Variants in ELOVL6 observed in about 807,000 individuals in gnomAD.
ELOVL6 encodes the protein ELOVL fatty acid elongase 6.
In ELOVL6, 8 loss-of-function variants were observed where a neutral mutation model predicts 31.7. The ratio of observed to expected loss-of-function variants is 0.25; its 90% CI spans 0.15 to 0.45. The LOEUF (loss-of-function observed/expected upper bound fraction) is 0.45, where lower values mean the gene tolerates loss of function less well. ELOVL6 is among the 20% of genes least tolerant of loss of function. The pLI is 1.00. For synonymous variants in ELOVL6, 101 were observed against 117.7 expected, an observed-to-expected ratio of 0.86 and a Z score of 0.92; for missense variants, 126 against 326.4, an observed-to-expected ratio of 0.39 and a Z score of 4.73.
At chr4:110,077,692 C>A (rs766313070) in intron 2 of ELOVL6, among the ~76,000 whole-genome samples, 24 of 152,120 alleles carry the variant, frequency 1.6e-4, no homozygotes, top group Non-Finnish European at 2.6e-4. Flanking sequence ...CTCTCCTCCC[C>A]CAAAGGAACG....
chr4:110,084,155 A>AACATATATATGATATATATGATATAT (rs1756055433), intron 2 of ELOVL6, among the ~76,000 whole-genome samples: 2 of 96,342 alleles, frequency 2.1e-5, no homozygotes, highest in African/African-American at 8.7e-5. Context: ...TGATATATAT[A>AACATATATATGATATATATGATATAT]ACATATATGT....
In ELOVL6 at chr4:110,065,877, A is replaced by C. The variant is rs578257105; in HGVS notation, c.222-6123T>G. Among the ~76,000 whole-genome samples, 10 of 152,298 alleles carry C rather than the reference A, an allele frequency of 6.6e-5. No individual in the cohort carries two copies. The East Asian group carries it at 1.4e-3, about 21-fold the overall frequency. ...AACATCAATAGTTGATTTAAAAAAA[A>C]ATTTTTACATTGTTCCCTTATTGAT... is the stretch of plus-strand genomic sequence containing the variant. On this transcript the variant is annotated intron_variant, in intron 2 of 3. Transcript: ENST00000302274.
At chr4:110,192,366 A>C (rs62327364) in intron 1 of ELOVL6, among the ~76,000 whole-genome samples, 7,118 of 152,246 alleles carry the variant, frequency 0.047, 237 homozygotes, top group East Asian at 0.11. Context: ...ATTTAAAGCA[A>C]TCCTCACTAA....
At chr4:110,064,337 C>T (rs1033589772) in intron 2 of ELOVL6, among the ~76,000 whole-genome samples, 7 of 145,912 alleles carry the variant, frequency 4.8e-5, no homozygotes, top group African/African-American at 1.9e-4. Flanking sequence ...TTCCTGATCA[C>T]TAGCTATTTG....
chr4:110,084,566 A>ATATATT (rs1756173678), intron 2 of ELOVL6, among the ~76,000 whole-genome samples: 12 of 37,100 alleles, frequency 3.2e-4, no homozygotes, highest in African/African-American at 2.1e-3. Flanking sequence ...ACACACAGAT[A>ATATATT]TATATATATA....
In ELOVL6 at chr4:110,051,604, A is replaced by G. The variant is rs1754838295; in HGVS notation, c.532T>C (p.Tyr178His). The G allele has an allele frequency of 6.2e-7, 1 of 1,614,220 alleles. No individual in the cohort carries two copies. The highest frequency in any genetic ancestry group is 8.5e-7 in the Non-Finnish European group (1 of 1,180,036). ...GCCGCCCGCAAGGCATAGTAAGAGT[A>G]CATCACGGCGTGCACGCCATAGTTC... is the stretch of plus-strand genomic sequence containing the variant. The part of the protein sequence containing the change: ...TMNYGVHAVM[Y>H]SYYALRAAGF... Residue 178 changes from tyrosine (Y) to histidine (H), a missense_variant, in exon 4 of 4, where the codon TAC becomes CAC. Transcript: ENST00000302274. This position sits in a 1 kb window ranked among gnomAD's most constrained non-coding sequence, Gnocchi z 4.8.
intron 1 of ELOVL6, among the ~76,000 whole-genome samples, chr4:110,178,394 T>G (rs938872930): frequency 1.3e-5 from 2 of 151,830 alleles, no homozygotes; most frequent in Non-Finnish European, 2.9e-5. Flanking sequence ...AAAAAAAAAT[T>G]AGCCGAGTGT....
At chr4:110,084,403 TATATGAC>T (rs1182288873) in intron 2 of ELOVL6, among the ~76,000 whole-genome samples, 1 of 20,112 alleles carries the variant, frequency 5.0e-5, no homozygotes, top group Non-Finnish European at 1.3e-4. Context: ...TGATATATGA[TATATGAC>T]ATACATGATA....
At position 110,047,908 on chromosome 4, in the gene ELOVL6, A is replaced by AG. The variant is rs1472764098; in HGVS notation, c.*3429_*3430insC. 1 of 151,536 alleles carries AG rather than the reference A, an allele frequency of 6.6e-6. No homozygotes were observed. Among genetic ancestry groups the AG allele is most frequent in the African/African-American group, 2.4e-5 (1 of 41,210 alleles). 9.4% of individuals were successfully genotyped at this position (151,536 alleles called of 1,614,324 possible). A position where few individuals can be genotyped will look rare whatever the true frequency, so the allele number is the denominator to read the frequency against. On this transcript the variant is annotated 3_prime_UTR_variant, in exon 4 of 4. Coordinates refer to ENST00000302274, the MANE Select transcript of ELOVL6 (RefSeq NM_024090.3). ...TCCACCTCAAAAAAAAAAAAAAAAA[A>AG]AAAAAGAAAGACATTCTGTGGGTCT...
intron 2 of ELOVL6, among the ~76,000 whole-genome samples, chr4:110,086,638 T>G (rs1477277051): frequency 2.0e-5 from 3 of 152,190 alleles, no homozygotes; most frequent in African/African-American, 7.2e-5. Flanking sequence ...TGGTTAATTA[T>G]GACCATGCTT....
At chr4:110,060,320 T>G (rs573363595) in intron 2 of ELOVL6, among the ~76,000 whole-genome samples, 1 of 152,296 alleles carries the variant, frequency 6.6e-6, no homozygotes, top group East Asian at 1.9e-4. Context: ...GATGTCAGAA[T>G]GAGACTCCTT....
At chr4:110,084,220 T>TATATGATATATATAACATATAAC (rs1578466838) in intron 2 of ELOVL6, among the ~76,000 whole-genome samples, 1 of 49,450 alleles carries the variant, frequency 2.0e-5, no homozygotes, top group Admixed American at 2.2e-4. Flanking sequence ...ACATATAACT[T>TATATGATATATATAACATATAAC]ATATGATATA....
chr4:110,080,693 G>A (rs915258338), intron 2 of ELOVL6, among the ~76,000 whole-genome samples: 4 of 152,294 alleles, frequency 2.6e-5, no homozygotes, highest in African/African-American at 4.8e-5. Context: ...AGACAGGGAT[G>A]CCCTCTCTCA....
chr4:110,097,161 C>T (rs1756603286), intron 2 of ELOVL6, among the ~76,000 whole-genome samples: 1 of 151,960 alleles, frequency 6.6e-6, no homozygotes, highest in South Asian at 2.1e-4. Flanking sequence ...CAAAAATTAG[C>T]CAAGCGTGGT....
intron 1 of ELOVL6, among the ~76,000 whole-genome samples, chr4:110,186,165 G>A (rs1216135182): frequency 1.3e-5 from 2 of 151,944 alleles, no homozygotes; most frequent in Non-Finnish European, 2.9e-5. Flanking sequence ...ACTACAGCCT[G>A]GGCAACAGAG....
At chr4:110,144,805 C>G (rs1246465603) in intron 1 of ELOVL6, among the ~76,000 whole-genome samples, 1 of 152,164 alleles carries the variant, frequency 6.6e-6, no homozygotes, top group African/African-American at 2.4e-5. Context: ...GCTGTAATCA[C>G]TGTGAAGAGG....
chr4:110,057,265 A>C (rs1436806149), intron 3 of ELOVL6, among the ~76,000 whole-genome samples: 1 of 152,074 alleles, frequency 6.6e-6, no homozygotes, highest in Non-Finnish European at 1.5e-5. Context: ...AAAGGTCGGA[A>C]GTCCAGTCTC....
upstream of ELOVL6, chr4:110,198,776 G>C (rs1234216137): frequency 6.2e-6 from 1 of 162,474 alleles, no homozygotes; most frequent in African/African-American, 2.4e-5. Flanking sequence ...GTGGTTGGAA[G>C]AGTGGGGGAA....
At chr4:110,182,100 T>C (rs1759290111) in intron 1 of ELOVL6, among the ~76,000 whole-genome samples, 1 of 152,254 alleles carries the variant, frequency 6.6e-6, no homozygotes. Flanking sequence ...CTTAACCTTT[T>C]GTCTGTATTA....
Sources: allele counts gnomAD v4.1 joint callset (sites outside exome capture counted in the v4.1 genomes callset), GRCh38; gene constraint gnomAD v4.1.1; non-coding constraint Gnocchi (gnomAD v3.1); transcripts MANE v1.5; gene names NCBI Gene and HGNC (gene_info 2026-07-23, HGNC 2026-07-21).